ZZEF1: variants seen among roughly 807,000 people sequenced by gnomAD.
ZZEF1 encodes zinc finger ZZ-type and EF-hand domain containing 1, also known as zinc finger ZZ-type and EF-hand domain-containing protein 1.
ZZEF1 carries 157 observed loss-of-function variants against 342.8 expected under a neutral mutation model. That is an observed-to-expected ratio of 0.46 (90% CI 0.40 to 0.52). The LOEUF is 0.52. ZZEF1 is among the 20% of genes least tolerant of loss of function. The pLI, the probability that ZZEF1 is intolerant of heterozygous loss-of-function variation, is 0.00. For missense variants in ZZEF1, 3,480 were observed against 3,725.6 expected (o/e 0.93, Z 1.72); for synonymous variants, 1,505 against 1,429.1 (o/e 1.05, Z -1.20).
chr17:4,013,500 C>T lies in ZZEF1; in HGVS notation c.8528G>A (p.Arg2843Gln), dbSNP rs947735677. ...GVACRQTGHQ[R>Q]LKAIHLLLRI... ...CAGAAGTAAGTGGATGGCTTTTAATCGTTGATGGCCAGTCTGGCGACAGGC... is the reference window on the plus strand; with the variant it reads ...CAGAAGTAAGTGGATGGCTTTTAATTGTTGATGGCCAGTCTGGCGACAGGC... Residue 2843 changes from arginine to glutamine, a missense_variant, in exon 52 of 55, where the codon CGA becomes CAA. This residue lies in a region of ZZEF1 where 1,269 missense variants were observed against 1,342.4 expected (regional missense o/e 0.95). Transcript: ENST00000381638. 8 of 1,613,694 alleles carry T rather than the reference C, an allele frequency of 5.0e-6. No individual in the cohort carries two copies. The Admixed American group carries it at 8.3e-5, about 17-fold the overall frequency.
At chr17:4,043,260 A>T (rs1427725859) in intron 38 of ZZEF1, among the ~76,000 whole-genome samples, 1 of 152,152 alleles carries the variant, frequency 6.6e-6, no homozygotes, top group Non-Finnish European at 1.5e-5. Flanking sequence ...GTGTTTCTGG[A>T]GCATGGCAGG....
chr17:4,126,225 C>CAA lies in ZZEF1; in HGVS notation c.355-2176_355-2175dup, dbSNP rs34213678. On this transcript the variant is annotated intron_variant, in intron 1 of 54. Coordinates refer to ENST00000381638, the MANE Select transcript of ZZEF1 (RefSeq NM_015113.4). The stretch of plus-strand genomic sequence containing the variant: ...GGTGACAGAGAGCAAGACTCCGTCT[C>CAA]AAAAAAAAAAAAAAAAAAAAGAGTT... 5.0e-3 allele frequency among the ~76,000 whole-genome samples: 470 copies of CAA among 94,100 alleles called. 4 individuals carry two copies. The highest frequency in any genetic ancestry group is 0.019 in the African/African-American group (447 of 24,098). The allele number at this position is 94,100 out of a possible 152,430, so 61.7% of individuals were successfully genotyped here.
chr17:4,142,146 G>C (rs1377807), intron 1 of ZZEF1, among the ~76,000 whole-genome samples: 47,982 of 152,014 alleles, frequency 0.32, 7,790 homozygotes, highest in African/African-American at 0.38. Flanking sequence ...ACACTGAATT[G>C]GGAAGGTGCT....
chr17:4,091,513 G>C (rs1297501364), intron 11 of ZZEF1, among the ~76,000 whole-genome samples: 10 of 152,212 alleles, frequency 6.6e-5, no homozygotes, highest in Non-Finnish European at 1.0e-4. Context: ...TGGGCACGAT[G>C]GCTCACACCT....
At chr17:4,122,789 A>C (rs190503675) in intron 2 of ZZEF1, among the ~76,000 whole-genome samples, 2 of 152,236 alleles carry the variant, frequency 1.3e-5, no homozygotes, top group Non-Finnish European at 2.9e-5. Flanking sequence ...AAAGACGCCA[A>C]AATAGGTGAG....
chr17:4,125,219 CTG>C (rs79819293), intron 1 of ZZEF1, among the ~76,000 whole-genome samples: 22,521 of 152,116 alleles, frequency 0.15, 1,784 homozygotes, highest in African/African-American at 0.2. Context: ...TTCTGCCCTC[CTG>C]CTGATACACT....
intron 3 of ZZEF1, among the ~76,000 whole-genome samples, chr17:4,116,049 G>A (rs535728089): frequency 6.6e-4 from 100 of 152,282 alleles, no homozygotes; most frequent in African/African-American, 2.3e-3. Flanking sequence ...CAGCTGGGTG[G>A]TGGCTCACAC....
chr17:4,078,154 C>A (rs1567821133), intron 18 of ZZEF1, 112 bp from the exon 19 acceptor site: 4 of 1,141,856 alleles, frequency 3.5e-6, no homozygotes, highest in Non-Finnish European at 4.8e-6. Context: ...ACTATAGCCA[C>A]GGAAAAGTCA....
intron 2 of ZZEF1, among the ~76,000 whole-genome samples, chr17:4,117,563 G>A (rs1397758097): frequency 6.9e-6 from 1 of 145,148 alleles, no homozygotes; most frequent in East Asian, 2.0e-4. Flanking sequence ...CAGGAGAATC[G>A]CTTGAACTCA....
At chr17:4,075,474 G>C in intron 21 of ZZEF1, 45 bp from the exon 22 acceptor site, 1 of 1,598,486 alleles carries the variant, frequency 6.3e-7, no homozygotes, top group Non-Finnish European at 8.5e-7. Flanking sequence ...TCTATCACTA[G>C]ACACCTAGCC....
intron 5 of ZZEF1, among the ~76,000 whole-genome samples, chr17:4,110,600 C>A (rs1319573642): frequency 1.3e-5 from 2 of 151,476 alleles, no homozygotes; most frequent in Non-Finnish European, 2.9e-5. Flanking sequence ...AGAAAGCAAT[C>A]ACAGAATTGT....
chr17:4,035,806 A>C (rs2056648418), intron 39 of ZZEF1, among the ~76,000 whole-genome samples: 2 of 152,178 alleles, frequency 1.3e-5, no homozygotes, highest in African/African-American at 4.8e-5. Flanking sequence ...GACAGACCCA[A>C]GTGTGGTGGG....
At position 4,027,300 on chromosome 17, in the gene ZZEF1, T is replaced by TA. The variant is rs1226842867; in HGVS notation, c.6893-2183_6893-2182insT. ...GCAATATCTCACTTTTTTTTTTTTT[T>TA]TTTTTTTTTTTTGAGAGAAGTCTCG... On this transcript the variant is annotated intron_variant, in intron 42 of 54. Transcript: ENST00000381638. Among the ~76,000 whole-genome samples, 36 of 141,258 alleles carry TA rather than the reference T, an allele frequency of 2.5e-4. 1 individual carries two copies. The East Asian group carries it at 4.8e-3, about 19-fold the overall frequency. 92.7% of individuals were successfully genotyped at this position (141,258 alleles called of 152,430 possible).
At chr17:4,020,009 A>G (rs1319861209) in intron 45 of ZZEF1, 8 of 409,574 alleles carry the variant, frequency 2.0e-5, no homozygotes, top group South Asian at 1.2e-4. Context: ...CCCCAAAGAA[A>G]TATCCTGTCA....
At chr17:4,097,606 G>A (rs1382237507) in intron 9 of ZZEF1, among the ~76,000 whole-genome samples, 2 of 145,626 alleles carry the variant, frequency 1.4e-5, no homozygotes, top group Admixed American at 1.4e-4. Flanking sequence ...TGGTAGTGAT[G>A]CACATGATTC....
rs1379488385 is a variant in ZZEF1, at chr17:4,142,939, G to T, written c.-44C>A. On this transcript the variant is annotated 5_prime_UTR_variant, in exon 1 of 55. Transcript: ENST00000381638. ...GCCTGGCTCTGCAGCCGCCGCCGCC[G>T]CCTCCCCGCCTCGACCTGTCAACCT... 5.4e-6 allele frequency: 7 copies of T among 1,299,064 alleles called. No individual in the cohort carries two copies. The highest frequency in any genetic ancestry group is 2.4e-5 in the South Asian group (1 of 42,170). 80.5% of individuals were successfully genotyped at this position (1,299,064 alleles called of 1,614,324 possible). A position where few individuals can be genotyped will look rare whatever the true frequency, so the allele number is the denominator to read the frequency against.
intron 39 of ZZEF1, among the ~76,000 whole-genome samples, chr17:4,036,821 T>G (rs368067171): frequency 0.014 from 678 of 47,634 alleles, 6 homozygotes; most frequent in South Asian, 0.023. Context: ...ACACACACTC[T>G]CTCTCTCTCT....
At chr17:4,080,817 AG>A (rs1409556526) in intron 18 of ZZEF1, among the ~76,000 whole-genome samples, 1 of 152,216 alleles carries the variant, frequency 6.6e-6, no homozygotes, top group African/African-American at 2.4e-5. Flanking sequence ...CTTTTTCCAC[AG>A]GAAGCATTAT....
At chr17:4,035,341 T>C (rs1234202366) in intron 39 of ZZEF1, among the ~76,000 whole-genome samples, 2 of 152,124 alleles carry the variant, frequency 1.3e-5, no homozygotes, top group African/African-American at 4.8e-5. Flanking sequence ...AAAAAGTTCT[T>C]GGAAATAAAA....
Sources: gnomAD v4.1 joint callset for allele counts (sites outside exome capture counted in the v4.1 genomes callset) on GRCh38, gnomAD v4.1.1 for gene constraint, gnomAD v4.1.1 regional missense constraint, MANE v1.5 for transcripts, NCBI Gene and HGNC (gene_info 2026-07-23, HGNC 2026-07-21) for gene names.